Variants in CNTNAP5 observed in about 807,000 individuals in gnomAD.
CNTNAP5 encodes the protein contactin associated protein family member 5.
Under a neutral mutation model 150.2 loss-of-function variants are expected in CNTNAP5, and 72 were observed. The observed-to-expected ratio is 0.48, with a 90% CI of 0.40 to 0.58. The LOEUF is 0.58. Ranked by LOEUF, CNTNAP5 falls within the 20% of genes least tolerant of loss-of-function variation. The probability of loss-of-function intolerance (pLI) is 0.00; values close to 1 mark genes in which losing one functional copy is unlikely to be tolerated. For missense variants in CNTNAP5, 1,636 were observed against 1,626.2 expected (o/e 1.01, Z -0.10); for synonymous variants, 672 against 619.8 (o/e 1.08, Z -1.25).
chr2:124,282,956 G>T (rs992721628), intron 3 of CNTNAP5, among the ~76,000 whole-genome samples: 1 of 151,308 alleles, frequency 6.6e-6, no homozygotes, highest in Admixed American at 6.6e-5. Flanking sequence ...TGCAGAGTTG[G>T]GGCTCAAACC....
At chr2:124,391,400 C>G (rs984069440) in intron 3 of CNTNAP5, among the ~76,000 whole-genome samples, 2 of 151,990 alleles carry the variant, frequency 1.3e-5, no homozygotes, top group Admixed American at 6.6e-5. Context: ...ATGATAAAGT[C>G]GTCTTTGTGA....
At chr2:124,512,946 C>T (rs1325969531) in intron 8 of CNTNAP5, among the ~76,000 whole-genome samples, 1 of 152,276 alleles carries the variant, frequency 6.6e-6, no homozygotes, top group Non-Finnish European at 1.5e-5. Flanking sequence ...CAACATGACA[C>T]CCTTAGCTTT....
intron 1 of CNTNAP5, among the ~76,000 whole-genome samples, chr2:124,118,010 T>C (rs1683468739): frequency 6.6e-6 from 1 of 152,100 alleles, no homozygotes; most frequent in Admixed American, 6.6e-5. Context: ...CACAGAAGCA[T>C]ACATTTAAAA....
chr2:124,122,759 G>GACACACAC (rs66540981), intron 1 of CNTNAP5, among the ~76,000 whole-genome samples: 4,461 of 127,704 alleles, frequency 0.035, 99 homozygotes, highest in African/African-American at 0.069. Flanking sequence ...GGTGGTAAAA[G>GACACACAC]ACACACACAC....
chr2:124,217,709 G>C (rs188859864), intron 1 of CNTNAP5, among the ~76,000 whole-genome samples: 1 of 152,208 alleles, frequency 6.6e-6, no homozygotes, highest in East Asian at 1.9e-4. Flanking sequence ...AAAGATCCCA[G>C]AAATAAAATC....
chr2:124,294,639 G>T (rs1260034872), intron 3 of CNTNAP5, among the ~76,000 whole-genome samples: 1 of 152,188 alleles, frequency 6.6e-6, no homozygotes, highest in Non-Finnish European at 1.5e-5. Flanking sequence ...AGAGGTATTT[G>T]GAGGCTTATA....
intron 3 of CNTNAP5, among the ~76,000 whole-genome samples, chr2:124,402,685 G>A (rs1691459080): frequency 2.0e-5 from 3 of 152,176 alleles, no homozygotes; most frequent in Admixed American, 2.0e-4. Flanking sequence ...ATTCTGAGTG[G>A]TCTTTTAAGC....
intron 13 of CNTNAP5, among the ~76,000 whole-genome samples, chr2:124,736,282 CT>C (rs2105132721): frequency 6.6e-6 from 1 of 152,222 alleles, no homozygotes; most frequent in African/African-American, 2.4e-5. Context: ...GATTTTTCCC[CT>C]GACACTGTAC....
chr2:124,759,364 T>A (rs1167924758), intron 14 of CNTNAP5, among the ~76,000 whole-genome samples: 1 of 146,988 alleles, frequency 6.8e-6, no homozygotes, highest in Non-Finnish European at 1.5e-5. Flanking sequence ...ATATATTCAT[T>A]ATATATATTT....
intron 1 of CNTNAP5, among the ~76,000 whole-genome samples, chr2:124,107,484 G>A (rs989152979): frequency 1.3e-5 from 2 of 152,152 alleles, no homozygotes; most frequent in African/African-American, 4.8e-5. Context: ...TGTTATAGAT[G>A]TGTCTCCTAC....
At chr2:124,145,811 T>A (rs1470440999) in intron 1 of CNTNAP5, among the ~76,000 whole-genome samples, 117 of 12,616 alleles carry the variant, frequency 9.3e-3, no homozygotes, top group African/African-American at 0.012. Flanking sequence ...AAAAAAAACA[T>A]TAAAAAAAAA....
intron 2 of CNTNAP5, among the ~76,000 whole-genome samples, chr2:124,230,393 G>A (rs554388075): frequency 3.9e-5 from 6 of 152,042 alleles, no homozygotes; most frequent in East Asian, 3.9e-4. Flanking sequence ...ACACTACAAC[G>A]TCTGCTCTCT....
intron 8 of CNTNAP5, among the ~76,000 whole-genome samples, chr2:124,510,273 C>CTATATATATATATCTA (rs369953695): frequency 1.2e-4 from 4 of 33,918 alleles, no homozygotes; most frequent in Admixed American, 4.5e-4. Flanking sequence ...ATCTATATAT[C>CTATATATATATATCTA]TATATCTATA....
chr2:124,697,095 A>T (rs13016169), intron 13 of CNTNAP5, among the ~76,000 whole-genome samples: 36,018 of 151,562 alleles, frequency 0.24, 4,406 homozygotes, highest in African/African-American at 0.28. Flanking sequence ...TGATTTTTTT[A>T]AAAAAAATCT....
Position 124,904,656 on chromosome 2 carries a change from G to A in CNTNAP5, c.3655+1556G>A, listed in dbSNP as rs1678490376. Among the ~76,000 whole-genome samples, 4 of 152,080 alleles carry A rather than the reference G, an allele frequency of 2.6e-5. No individual in the cohort carries two copies. In the South Asian group the frequency reaches 8.3e-4, roughly 32 times the overall value. On this transcript the variant is annotated intron_variant, in intron 22 of 23. Transcript: ENST00000682447. ...TGTTGCTTATTCAATAAATTGTGAT[G>A]GGGAAATTGAATATCCACATGCAAA... is the stretch of plus-strand genomic sequence containing the variant.
intron 19 of CNTNAP5, among the ~76,000 whole-genome samples, chr2:124,814,122 T>TA (rs1682297247): frequency 6.6e-6 from 1 of 152,030 alleles, no homozygotes; most frequent in Non-Finnish European, 1.5e-5. Context: ...CTTTTTTTTT[T>TA]ATGATTCTTA....
chr2:124,609,120 T>C (rs1677316156), intron 11 of CNTNAP5, among the ~76,000 whole-genome samples: 1 of 152,112 alleles, frequency 6.6e-6, no homozygotes, highest in Admixed American at 6.5e-5. Flanking sequence ...ACAGGTTCTG[T>C]AACCCATTGA....
chr2:124,555,577 AG>A (rs1326446148), intron 10 of CNTNAP5, among the ~76,000 whole-genome samples: 1 of 152,216 alleles, frequency 6.6e-6, no homozygotes, highest in Admixed American at 6.5e-5. Flanking sequence ...TGCAATAAAA[AG>A]TTTGGTAGGT....
At chr2:124,885,100 T>G (rs2104742083) in intron 21 of CNTNAP5, among the ~76,000 whole-genome samples, 2 of 152,118 alleles carry the variant, frequency 1.3e-5, no homozygotes, top group Non-Finnish European at 2.9e-5. Context: ...AGGCCAGGTA[T>G]GATGTCTGAA....
Sources: gnomAD v4.1 joint callset for allele counts (sites outside exome capture counted in the v4.1 genomes callset) on GRCh38, gnomAD v4.1.1 for gene constraint, MANE v1.5 for transcripts, NCBI Gene and HGNC (gene_info 2026-07-23, HGNC 2026-07-21) for gene names.